CDH23: variants seen among roughly 807,000 people sequenced by gnomAD.
CDH23 encodes the protein cadherin-23.
Under a neutral mutation model 317.1 loss-of-function variants are expected in CDH23, and 189 were observed. The observed-to-expected ratio is 0.60, with a 90% CI of 0.53 to 0.67. The LOEUF (loss-of-function observed/expected upper bound fraction) is 0.67, where lower values mean the gene tolerates loss of function less well. Among genes scored for constraint, CDH23 ranks in the 30% least tolerant of loss-of-function variants. CDH23 has a pLI of 0.00. For missense variants in CDH23, 4,401 were observed against 4,592.4 expected (o/e 0.96, Z 1.20); for synonymous variants, 1,839 against 1,876.8 (o/e 0.98, Z 0.52).
At chr10:71,674,590 A>T (rs1032259104) in intron 14 of CDH23, among the ~76,000 whole-genome samples, 4 of 152,070 alleles carry the variant, frequency 2.6e-5, no homozygotes, top group African/African-American at 9.7e-5. Context: ...ATTATGTACA[A>T]CCTCTTCACC....
intron 1 of CDH23, among the ~76,000 whole-genome samples, chr10:71,427,343 A>G (rs911948041): frequency 6.6e-6 from 1 of 152,080 alleles, no homozygotes; most frequent in African/African-American, 2.4e-5. Flanking sequence ...TGGCAACCAC[A>G]GATCTACTTT....
Position 71,784,191 on chromosome 10 carries a change from C to A in CDH23, c.5369-96C>A, listed in dbSNP as rs557410904. On this transcript the variant is annotated intron_variant, in intron 41 of 69. Transcript: ENST00000224721. ...GGCCCCAGCTGTCCCCCACCTGTGA[C>A]GAGTGAGGCTTGCTAGAGGAAGCAG... The A allele has an allele frequency of 3.6e-6, 5 of 1,378,164 alleles. No individual in the cohort carries two copies. In the South Asian group the frequency reaches 5.8e-5, roughly 16 times the overall value. 85.4% of individuals were successfully genotyped at this position (1,378,164 alleles called of 1,614,324 possible). A position where few individuals can be genotyped will look rare whatever the true frequency, so the allele number is the denominator to read the frequency against.
chr10:71,632,568 C>T (rs982465676), intron 11 of CDH23, among the ~76,000 whole-genome samples: 2 of 152,228 alleles, frequency 1.3e-5, no homozygotes, highest in South Asian at 2.1e-4. Flanking sequence ...TGAGATGAGG[C>T]TGCAGTTTAG....
intron 3 of CDH23, among the ~76,000 whole-genome samples, chr10:71,501,288 G>A (rs1017142536): frequency 6.6e-6 from 1 of 152,190 alleles, no homozygotes; most frequent in African/African-American, 2.4e-5. Context: ...CTGGCAAAGA[G>A]TCATGCCCAG....
intron 6 of CDH23, among the ~76,000 whole-genome samples, chr10:71,553,525 C>T (rs999125893): frequency 6.6e-6 from 1 of 152,156 alleles, no homozygotes; most frequent in African/African-American, 2.4e-5. Flanking sequence ...CTCTGCTGCC[C>T]CCTTCACCCA....
rs576499216 is a variant in CDH23, at chr10:71,804,299, G to C, written c.7872+879G>C. 9.2e-5 allele frequency among the ~76,000 whole-genome samples: 14 copies of C among 152,218 alleles called. No individual in the cohort carries two copies. The South Asian group carries it at 2.9e-3, about 32-fold the overall frequency. On this transcript the variant is annotated intron_variant, in intron 55 of 69. Coordinates refer to ENST00000224721, the MANE Select transcript of CDH23 (RefSeq NM_022124.6). ...CTGAGCATCAAAATAAGAAATGAGG[G>C]GAAGTGGCAAGGTTCTGGAATCTCT...
intron 52 of CDH23, among the ~76,000 whole-genome samples, chr10:71,800,346 G>A (rs573831524): frequency 1.6e-4 from 25 of 152,246 alleles, no homozygotes; most frequent in Admixed American, 6.5e-5. Flanking sequence ...CATCAGACAT[G>A]GCTCCAGGCC....
At position 71,812,461 on chromosome 10, in the gene CDH23, T is replaced by C. The variant is rs750426118; in HGVS notation, c.9381-19T>C. ...CGAGCCTTCCCTCCCTCCCCACCCT[T>C]TTCCCTCCCCAACTGCAGAGCCAAC... On this transcript the variant is annotated intron_variant, in intron 66 of 69. Coordinates refer to ENST00000224721, the MANE Select transcript of CDH23 (RefSeq NM_022124.6). 47 of 1,169,100 alleles carry C rather than the reference T, an allele frequency of 4.0e-5. No individual in the cohort carries two copies. In the Admixed American group the frequency reaches 7.1e-4, roughly 18 times the overall value. 72.4% of individuals were successfully genotyped at this position (1,169,100 alleles called of 1,614,324 possible).
At chr10:71,607,231 T>C (rs922320897) in intron 9 of CDH23, among the ~76,000 whole-genome samples, 6 of 152,216 alleles carry the variant, frequency 3.9e-5, no homozygotes, top group Admixed American at 2.6e-4. Context: ...GGGCTTAGGC[T>C]GCCCACACAC....
chr10:71,457,477 C>T (rs534893651), intron 3 of CDH23, among the ~76,000 whole-genome samples: 2 of 152,264 alleles, frequency 1.3e-5, no homozygotes, highest in East Asian at 1.9e-4. Flanking sequence ...ACTCTTACCG[C>T]CCTGCAATGC....
rs762830091 is a variant in CDH23, at chr10:71,751,641, G to A, written c.4845+9720G>A. 28 of 1,513,536 alleles carry A rather than the reference G, an allele frequency of 1.8e-5. No individual in the cohort carries two copies. Among genetic ancestry groups the A allele is most frequent in the East Asian group, 9.1e-5 (4 of 43,764 alleles). The allele number at this position is 1,513,536 out of a possible 1,614,324, so 93.8% of individuals were successfully genotyped here. On this transcript the variant is annotated intron_variant, in intron 38 of 69. Coordinates refer to ENST00000224721, the MANE Select transcript of CDH23 (RefSeq NM_022124.6). The surrounding 1 kb of genome is among the most constrained non-coding windows in gnomAD (Gnocchi z 4.9). ...TGAGGTCATGACCTTACAGGTCATC[G>A]TGCTGTGAAGGTCAGGAAACACTTA...
intron 1 of CDH23, among the ~76,000 whole-genome samples, chr10:71,401,526 T>G (rs1235546582): frequency 6.6e-6 from 1 of 152,244 alleles, no homozygotes; most frequent in Non-Finnish European, 1.5e-5. Context: ...CAGTTTTAAC[T>G]CTTCATGGTG....
chr10:71,712,813 G>A lies in CDH23; in HGVS notation c.3369G>A (p.Gln1123=), dbSNP rs1200909093. ...TCCCTGAAGGCCACAGCATCTTGCA[G>A]GCAGGTGGCCCGTGGCCTCTGGGGC... ...EDIPEGHSIL[Q]LKATDADEGE... is the part of the protein sequence containing the mutation. The change falls in exon 28 of 70, where the codon CAG becomes CAA. Residue 1123 remains glutamine, a splice_region_variant and synonymous_variant. Transcript: ENST00000224721. The A allele has an allele frequency of 6.2e-7, 1 of 1,611,210 alleles. No individual in the cohort carries two copies. Among genetic ancestry groups the A allele is most frequent in the East Asian group, 2.2e-5 (1 of 44,814 alleles).
chr10:71,526,357 AGGGACTGCCT>A (rs1483820763), intron 6 of CDH23, among the ~76,000 whole-genome samples: 2 of 152,344 alleles, frequency 1.3e-5, no homozygotes, highest in East Asian at 3.9e-4. Context: ...AGGCAGGAAG[AGGGACTGCCT>A]GGGTCCAAGG....
intron 38 of CDH23, among the ~76,000 whole-genome samples, chr10:71,769,528 G>T (rs1318863941): frequency 6.6e-6 from 1 of 152,224 alleles, no homozygotes; most frequent in African/African-American, 2.4e-5. Flanking sequence ...ACACTGCAGA[G>T]ATCACAAAGG....
chr10:71,577,295 G>A (rs1427759290), intron 8 of CDH23, among the ~76,000 whole-genome samples: 1 of 152,064 alleles, frequency 6.6e-6, no homozygotes, highest in Non-Finnish European at 1.5e-5. Flanking sequence ...ATGAGTAGGG[G>A]TGTGGGCAGA....
At chr10:71,713,686 G>A in intron 28 of CDH23, 1 of 218,330 alleles carries the variant, frequency 4.6e-6, no homozygotes, top group Non-Finnish European at 9.3e-6. Flanking sequence ...CTCAGCTTGT[G>A]AGGACTTGGA....
intron 3 of CDH23, among the ~76,000 whole-genome samples, chr10:71,457,907 G>A (rs146712485): frequency 6.6e-5 from 10 of 152,270 alleles, no homozygotes; most frequent in African/African-American, 1.9e-4. Flanking sequence ...TGGGGGTCTC[G>A]TCCAGCTGTG....
intron 19 of CDH23, among the ~76,000 whole-genome samples, chr10:71,690,068 T>G (rs1865129078): frequency 1.3e-5 from 2 of 152,216 alleles, no homozygotes; most frequent in African/African-American, 4.8e-5. Context: ...AAAACTAGAC[T>G]GAAATTGAAT....
Sources: allele counts gnomAD v4.1 joint callset (sites outside exome capture counted in the v4.1 genomes callset), GRCh38; gene constraint gnomAD v4.1.1; non-coding constraint Gnocchi (gnomAD v3.1); transcripts MANE v1.5; gene names NCBI Gene and HGNC (gene_info 2026-07-23, HGNC 2026-07-21).